The following SOX6 variants were observed in gnomAD, a reference collection of about 807,000 sequenced individuals.
SOX6 encodes SRY-box transcription factor 6, also known as transcription factor SOX-6.
SOX6 carries 11 observed loss-of-function variants against 97.8 expected under a neutral mutation model. That is an observed-to-expected ratio of 0.11 (90% CI 0.07 to 0.19). The LOEUF is 0.19. SOX6 is among the 10% of genes least tolerant of loss of function. The pLI, the probability that SOX6 is intolerant of heterozygous loss-of-function variation, is 1.00. For missense variants in SOX6, 810 were observed against 1,039.5 expected (o/e 0.78, Z 3.04); for synonymous variants, 360 against 371.4 (o/e 0.97, Z 0.35).
intron 1 of SOX6, among the ~76,000 whole-genome samples, chr11:16,387,716 A>G (rs373650092): frequency 3.1e-4 from 47 of 152,250 alleles, no homozygotes; most frequent in African/African-American, 1.1e-3. Context: ...TTAGAATTAT[A>G]AATGAATGCT....
At chr11:16,566,672 T>C (rs897582052) in intron 4 of SOX6, among the ~76,000 whole-genome samples, 1 of 152,248 alleles carries the variant, frequency 6.6e-6, no homozygotes, top group East Asian at 1.9e-4. Context: ...TGTTTTTTAA[T>C]GGAAAATAAG....
intron 12 of SOX6, among the ~76,000 whole-genome samples, chr11:16,037,727 C>G (rs1456851338): frequency 6.6e-6 from 1 of 152,204 alleles, no homozygotes; most frequent in East Asian, 1.9e-4. Flanking sequence ...TCTCTTCACT[C>G]TTGCACATCT....
chr11:16,368,951 A>G (rs777757626), intron 1 of SOX6, among the ~76,000 whole-genome samples: 5 of 152,188 alleles, frequency 3.3e-5, no homozygotes, highest in Admixed American at 2.0e-4. Context: ...AAGTATGTAT[A>G]TAGGCCAGGT....
chr11:16,623,906 C>A (rs1848583885), intron 3 of SOX6, among the ~76,000 whole-genome samples: 1 of 152,118 alleles, frequency 6.6e-6, no homozygotes, highest in Admixed American at 6.5e-5. Context: ...TAAAACTATA[C>A]ATCTATATAA....
chr11:16,234,532 AATAAC>A, intron 4 of SOX6, 45 bp downstream of exon 4: 1 of 1,084,738 alleles, frequency 9.2e-7, no homozygotes, highest in Non-Finnish European at 1.4e-6. Flanking sequence ...TGTTATACAA[AATAAC>A]ATCACATCAC....
At chr11:16,011,866 C>T (rs1007079904) in intron 13 of SOX6, among the ~76,000 whole-genome samples, 16 of 152,134 alleles carry the variant, frequency 1.1e-4, no homozygotes, top group Non-Finnish European at 2.1e-4. Context: ...CAACTCAGCC[C>T]GGCTAAGGAG....
intron 1 of SOX6, among the ~76,000 whole-genome samples, chr11:16,459,384 G>A (rs1859875309): frequency 6.6e-6 from 1 of 151,816 alleles, no homozygotes; most frequent in Non-Finnish European, 1.5e-5. Flanking sequence ...CAAAAATACT[G>A]AGCACTTAAA....
At chr11:16,347,293 T>C (rs1370737815) in intron 1 of SOX6, among the ~76,000 whole-genome samples, 2 of 152,106 alleles carry the variant, frequency 1.3e-5, no homozygotes, top group African/African-American at 4.8e-5. Flanking sequence ...TACTTTTTGC[T>C]TGATATAAAT....
intron 2 of SOX6, among the ~76,000 whole-genome samples, chr11:16,326,546 T>A (rs115760176): frequency 6.6e-6 from 1 of 152,262 alleles, no homozygotes; most frequent in African/African-American, 2.4e-5. Flanking sequence ...CAGTAAAAGA[T>A]GCCACAATGC....
At position 16,055,896 on chromosome 11, in the gene SOX6, G is replaced by A. The variant is rs377310754; in HGVS notation, c.1107C>T (p.Leu369=). Residue 369 remains leucine, a synonymous_variant, in exon 10 of 16, where the codon CTC becomes CTT. Coordinates refer to ENST00000683767, the MANE Select transcript of SOX6 (RefSeq NM_001367873.1). ...HSYNHKQIEQ[L]YAAQLASMQV... ...GCATGCTGGCCAGCTGAGCGGCATA[G>A]AGCTGCTGCAAAACAGGGAAGACAA... 3.1e-6 allele frequency: 5 copies of A among 1,613,438 alleles called. No homozygotes were observed. The African/African-American group carries it at 6.7e-5, about 22-fold the overall frequency.
chr11:15,981,209 T>C (rs1853644561), intron 15 of SOX6, among the ~76,000 whole-genome samples: 2 of 152,032 alleles, frequency 1.3e-5, no homozygotes, highest in Non-Finnish European at 2.9e-5. Flanking sequence ...AGCTGGCAGG[T>C]ATTGGGCTTT....
chr11:16,571,590 C>T (rs4757412), intron 4 of SOX6, among the ~76,000 whole-genome samples: 16,041 of 151,876 alleles, frequency 0.11, 915 homozygotes, highest in Non-Finnish European at 0.14. Flanking sequence ...AACACTGTAC[C>T]CAGCCTCTAC....
intron 9 of SOX6, among the ~76,000 whole-genome samples, chr11:16,080,433 T>C: frequency 6.6e-6 from 1 of 152,086 alleles, no homozygotes; most frequent in Non-Finnish European, 1.5e-5. Context: ...GGGATAACAA[T>C]AGAACCTACT....
chr11:15,992,730 T>C (rs1854093409), intron 13 of SOX6, among the ~76,000 whole-genome samples: 1 of 152,128 alleles, frequency 6.6e-6, no homozygotes, highest in African/African-American at 2.4e-5. Context: ...GCCCCACAAA[T>C]ACATATTGAA....
chr11:16,327,301 A>G (rs1856129310), intron 2 of SOX6, among the ~76,000 whole-genome samples: 2 of 152,154 alleles, frequency 1.3e-5, no homozygotes. Flanking sequence ...TACTCAATAA[A>G]TGATAGCTAC....
intron 13 of SOX6, among the ~76,000 whole-genome samples, chr11:16,011,807 T>C (rs1854737205): frequency 6.6e-6 from 1 of 152,078 alleles, no homozygotes; most frequent in Non-Finnish European, 1.5e-5. Flanking sequence ...GAAACCTGTA[T>C]GGACTGAGGG....
intron 9 of SOX6, among the ~76,000 whole-genome samples, chr11:16,058,990 A>G (rs1847882977): frequency 6.6e-6 from 1 of 152,070 alleles, no homozygotes; most frequent in African/African-American, 2.4e-5. Flanking sequence ...TTAATGATAC[A>G]TGATGCCTTC....
At chr11:16,328,241 G>T (rs575433925) in intron 2 of SOX6, among the ~76,000 whole-genome samples, 4 of 152,012 alleles carry the variant, frequency 2.6e-5, no homozygotes, top group Non-Finnish European at 5.9e-5. Flanking sequence ...TTCCTAAGAC[G>T]TTCTATGGTT....
At chr11:16,426,558 A>G (rs1303779735) in intron 1 of SOX6, among the ~76,000 whole-genome samples, 2 of 152,154 alleles carry the variant, frequency 1.3e-5, no homozygotes, top group Non-Finnish European at 2.9e-5. Context: ...CAATGGGGAA[A>G]GGATTCCGTA....
Sources: allele counts gnomAD v4.1 joint callset (sites outside exome capture counted in the v4.1 genomes callset), GRCh38; gene constraint gnomAD v4.1.1; transcripts MANE v1.5; gene names NCBI Gene and HGNC (gene_info 2026-07-23, HGNC 2026-07-21).